The following SYVN1 variants were observed in gnomAD, a reference collection of about 807,000 sequenced individuals.
SYVN1 encodes the protein E3 ubiquitin-protein ligase synoviolin.
Under a neutral mutation model 62.6 loss-of-function variants are expected in SYVN1, and 17 were observed. That is an observed-to-expected ratio of 0.27 (90% CI 0.19 to 0.41). The LOEUF (loss-of-function observed/expected upper bound fraction) is 0.41. Among genes scored for constraint, SYVN1 ranks in the 10% least tolerant of loss-of-function variants. SYVN1 has a pLI of 1.00. For missense variants in SYVN1, 634 were observed against 818.0 expected (o/e 0.78, Z 2.74); for synonymous variants, 316 against 304.0 (o/e 1.04, Z -0.41).
At position 65,128,262 on chromosome 11, in the gene SYVN1, C is replaced by T. The variant is rs886578888; in HGVS notation, c.*120G>A. On this transcript the variant is annotated 3_prime_UTR_variant, in exon 16 of 16. Coordinates refer to ENST00000377190, the MANE Select transcript of SYVN1 (RefSeq NM_172230.3). ...TTGGCCTAGGGGATGCCGCCTCTTT[C>T]TCAGAGCTGGGGGTACTACTCCCTG... is the stretch of plus-strand genomic sequence containing the variant. The T allele has an allele frequency of 1.2e-6, 1 of 839,006 alleles. No individual in the cohort carries two copies. Among genetic ancestry groups the T allele is most frequent in the Non-Finnish European group, 1.9e-6 (1 of 530,228 alleles). The allele number at this position is 839,006 out of a possible 1,614,324, so 52.0% of individuals were successfully genotyped here. A position where few individuals can be genotyped will look rare whatever the true frequency, so the allele number is the denominator to read the frequency against.
At chr11:65,133,749 G>C (rs1307228771) in intron 1 of SYVN1, 131 bp from the exon 2 acceptor site, 6 of 745,722 alleles carry the variant, frequency 8.0e-6, no homozygotes, top group Non-Finnish European at 1.3e-5. Flanking sequence ...ATCAGACAAA[G>C]AATAGCTTAC....
chr11:65,132,559 G>A, intron 5 of SYVN1, 173 bp downstream of exon 5: 2 of 872,970 alleles, frequency 2.3e-6, no homozygotes, highest in South Asian at 1.6e-5. Flanking sequence ...GAAGGCAAAG[G>A]GCTGAGGGCC....
At chr11:65,129,040 C>G (rs925548539) in intron 14 of SYVN1, 2 of 282,162 alleles carry the variant, frequency 7.1e-6, no homozygotes, top group Non-Finnish European at 1.3e-5. Flanking sequence ...GCCTTGGACT[C>G]AAGTTCCTCT....
At position 65,127,935 on chromosome 11, in the gene SYVN1, T is replaced by C. The variant is rs116546455; in HGVS notation, c.*447A>G. ...AGGAAATGGGTACCAGTCTTAGGGGTGGGCCAGCGAGCAAGTTCATAGCTT... is the reference window on the plus strand; with the variant it reads ...AGGAAATGGGTACCAGTCTTAGGGGCGGGCCAGCGAGCAAGTTCATAGCTT... On this transcript the variant is annotated 3_prime_UTR_variant, in exon 16 of 16. Transcript: ENST00000377190. 2,276 of 188,370 alleles carry C rather than the reference T, an allele frequency of 0.012. 48 individuals carry two copies. The highest frequency in any genetic ancestry group is 0.049 in the African/African-American group (2,082 of 42,282). The allele number at this position is 188,370 out of a possible 1,614,324, so 11.7% of individuals were successfully genotyped here. A position where few individuals can be genotyped will look rare whatever the true frequency, so the allele number is the denominator to read the frequency against.
chr11:65,130,440 AGGGGGCCTGGCTATTGAGAGCTCT>A (rs975869523), intron 11 of SYVN1, 61 bp from the exon 12 acceptor site: 1 of 1,482,660 alleles, frequency 6.7e-7, no homozygotes, highest in Non-Finnish European at 9.0e-7. Context: ...ACTCCCAGGC[AGGGGGCCTGGCTATTGAGAGCTCT>A]GTCCTATTCC....
chr11:65,133,481 G>A lies in SYVN1; in HGVS notation c.121C>T (p.Pro41Ser). Residue 41 changes from proline (P) to serine (S), a missense_variant, in exon 2 of 16, where the codon CCC becomes TCC. Around this residue, in one of 2 missense-constraint regions of SYVN1, gnomAD observed 283 missense variants for 444.7 expected, o/e 0.64. Coordinates refer to ENST00000377190, the MANE Select transcript of SYVN1 (RefSeq NM_172230.3). Reference protein sequence around the residue: ...PTVVYLTKSSPSMAVLYIQAF... With the variant: ...PTVVYLTKSSSSMAVLYIQAF... ...AGCCCTGAACTCACTGCCATGCTGG[G>A]GCTGGACTTGGTCAGGTACACCACA... 4 of 1,613,800 alleles carry A rather than the reference G, an allele frequency of 2.5e-6. No individual in the cohort carries two copies. The highest frequency in any genetic ancestry group is 3.4e-6 in the Non-Finnish European group (4 of 1,180,008).
In SYVN1 at chr11:65,128,060, C is replaced by G; in HGVS notation, c.*322G>C. 1 of 481,312 alleles carries G rather than the reference C, an allele frequency of 2.1e-6. No homozygotes were observed. The highest frequency in any genetic ancestry group is 3.7e-6 in the Non-Finnish European group (1 of 266,842). The allele number at this position is 481,312 out of a possible 1,614,324, so 29.8% of individuals were successfully genotyped here. A position where few individuals can be genotyped will look rare whatever the true frequency, so the allele number is the denominator to read the frequency against. On this transcript the variant is annotated 3_prime_UTR_variant, in exon 16 of 16. Transcript: ENST00000377190. ...ATACAAGTAGGGCTTGGAGGGGCAG[C>G]CCCTTCTCCTGGAAAGGGGTGGGGG...
At position 65,130,357 on chromosome 11, in the gene SYVN1, A is replaced by G; in HGVS notation, c.1128T>C (p.Pro376=). Residue 376 remains proline (P), a synonymous_variant, in exon 12 of 16, where the codon CCT becomes CCC. Coordinates refer to ENST00000377190, the MANE Select transcript of SYVN1 (RefSeq NM_172230.3). ...PPNFPQGLLP[P]FPPGMFPLWP... ...ACAGTGGGAACATGCCTGGAGGAAA[A>G]GGAGGCAGGAGGCCCTGGGGGACTG... 1 of 1,544,046 alleles carries G rather than the reference A, an allele frequency of 6.5e-7. No individual in the cohort carries two copies. The highest frequency in any genetic ancestry group is 1.2e-5 in the South Asian group (1 of 80,248).
intron 9 of SYVN1, 46 bp from the exon 10 acceptor site, chr11:65,131,082 G>A (rs200607209): frequency 1.2e-4 from 189 of 1,613,484 alleles, no homozygotes; most frequent in Middle Eastern, 6.6e-4. Flanking sequence ...GCTGGAAGCA[G>A]AGGGACCCAG....
Position 65,129,816 on chromosome 11 carries a change from C to T in SYVN1, c.1508G>A (p.Arg503Gln), listed in dbSNP as rs763524114. Residue 503 changes from arginine (R) to glutamine (Q), a missense_variant, in exon 14 of 16, where the codon CGG becomes CAG. By Grantham distance (43) the Arg-to-Gln change is conservative (BLOSUM62 1). Transcript: ENST00000377190. ...EGHERQHLEA[R>Q]LQSLRNIHTL... ...GTGGATGTTACGCAGGCTCTGCAGCCGGGCCTCCAGGTGCTGCCGCTCATG... is the reference window on the plus strand; with the variant it reads ...GTGGATGTTACGCAGGCTCTGCAGCTGGGCCTCCAGGTGCTGCCGCTCATG... The T allele has an allele frequency of 3.1e-6, 5 of 1,614,080 alleles. No individual in the cohort carries two copies. The highest frequency in any genetic ancestry group is 2.7e-5 in the African/African-American group (2 of 74,928).
At chr11:65,132,829 C>A in intron 4 of SYVN1, 49 bp from the exon 5 acceptor site, 1 of 1,613,694 alleles carries the variant, frequency 6.2e-7, no homozygotes, top group Admixed American at 1.7e-5. Flanking sequence ...GGGCTCACCC[C>A]ACACCCTCAA....
intron 2 of SYVN1, 92 bp from the exon 3 acceptor site, chr11:65,133,344 G>T: frequency 6.3e-7 from 1 of 1,577,932 alleles, no homozygotes; most frequent in Non-Finnish European, 8.7e-7. Context: ...CCTCATCACA[G>T]TTTATTCAAA....
rs932236637 is a variant in SYVN1, at chr11:65,128,713, G to T, written c.1597C>A (p.Pro533Thr). The T allele has an allele frequency of 1.2e-6, 2 of 1,605,226 alleles. No individual in the cohort carries two copies. The highest frequency in any genetic ancestry group is 3.5e-5 in the Admixed American group (2 of 57,968). ...QYLTVLASLG[P>T]PRPATSVNST... is the part of the protein sequence containing the mutation. ...TTGACTGAAGTGGCAGGCCGGGGGG[G>T]CCTGGGAAGAGAAGGGACGAGAGGC... The change falls in exon 15 of 16, where the codon CCC (proline) becomes ACC (threonine). Residue 533 changes from proline to threonine, a missense_variant and splice_region_variant. Around this residue, in one of 2 missense-constraint regions of SYVN1, gnomAD observed 351 missense variants for 373.3 expected, o/e 0.94. Transcript: ENST00000377190.
At chr11:65,132,375 G>T in intron 5 of SYVN1, 24 bp from the exon 6 acceptor site, 2 of 1,521,956 alleles carry the variant, frequency 1.3e-6, no homozygotes, top group Non-Finnish European at 1.8e-6. Context: ...CACACATGCA[G>T]GGTGGGGGGG....
intron 5 of SYVN1, 119 bp downstream of exon 5, chr11:65,132,613 G>C: frequency 8.1e-7 from 1 of 1,236,256 alleles, no homozygotes; most frequent in East Asian, 2.3e-5. Flanking sequence ...CAGAGACTAT[G>C]CAAATTAACT....
Position 65,131,058 on chromosome 11 carries a change from G to C in SYVN1, c.825-22C>G. 5.6e-6 allele frequency: 9 copies of C among 1,613,622 alleles called. No homozygotes were observed. In the South Asian group the frequency reaches 8.8e-5, roughly 16 times the overall value. The stretch of plus-strand genomic sequence containing the variant: ...ATACCTGGTTAGGATGACAGGGGCT[G>C]TATCAGGTCCAGAGCTGGAAGCAGA... On this transcript the variant is annotated intron_variant, in intron 9 of 15. Coordinates refer to ENST00000377190, the MANE Select transcript of SYVN1 (RefSeq NM_172230.3).
chr11:65,133,047 C>T lies in SYVN1; in HGVS notation c.253G>A (p.Val85Ile), dbSNP rs144860353. 62 of 1,614,108 alleles carry T rather than the reference C, an allele frequency of 3.8e-5. No individual in the cohort carries two copies. The highest frequency in any genetic ancestry group is 3.3e-4 in the South Asian group (30 of 91,084). The change falls in exon 4 of 16, where the codon GTC (valine) becomes ATC (isoleucine). Residue 85 changes from valine to isoleucine, a missense_variant. Physicochemically the swap from Val to Ile is conservative, Grantham distance 29 (BLOSUM62 3). Transcript: ENST00000377190. Reference protein sequence around the residue: ...EHLLERSWYAVTETCLAFTVF... With the variant: ...EHLLERSWYAITETCLAFTVF... ...GTGAAGGCCAGACAAGTCTCTGTGACGGCGTACCAGGAACGTTCCAGAAGG... is the reference window on the plus strand; with the variant it reads ...GTGAAGGCCAGACAAGTCTCTGTGATGGCGTACCAGGAACGTTCCAGAAGG...
rs1408381492 is a variant in SYVN1, at chr11:65,130,743, T to C, written c.1022A>G (p.Gln341Arg). Residue 341 changes from glutamine (Q) to arginine (R), a missense_variant, in exon 11 of 16, where the codon CAG (glutamine) becomes CGG (arginine). Transcript: ENST00000377190. ...MDVLRASLPA[Q>R]SPPPPEPADQ... Reference sequence around the variant, plus strand: ...CGCAGGCTCCGGGGGTGGTGGTGACTGCGCTGGCAGCGATGCACGAAGGAC... The same window carrying C: ...CGCAGGCTCCGGGGGTGGTGGTGACCGCGCTGGCAGCGATGCACGAAGGAC... The C allele has an allele frequency of 2.6e-6, 4 of 1,532,176 alleles. No individual in the cohort carries two copies. Among genetic ancestry groups the C allele is most frequent in the Non-Finnish European group, 3.5e-6 (4 of 1,144,024 alleles). The allele number at this position is 1,532,176 out of a possible 1,614,324, so 94.9% of individuals were successfully genotyped here. A position where few individuals can be genotyped will look rare whatever the true frequency, so the allele number is the denominator to read the frequency against.
At chr11:65,129,318 A>C in intron 14 of SYVN1, 1 of 188,956 alleles carries the variant, frequency 5.3e-6, no homozygotes, top group Non-Finnish European at 1.1e-5. Context: ...GAGTGATGGG[A>C]CCAGCGCTTG....
Sources: gnomAD v4.1 joint callset for allele counts on GRCh38, gnomAD v4.1.1 for gene constraint, gnomAD v4.1.1 regional missense constraint, MANE v1.5 for transcripts, NCBI Gene and HGNC (gene_info 2026-07-23, HGNC 2026-07-21) for gene names.